Variants in GRIN3A observed in about 807,000 individuals in gnomAD.
GRIN3A encodes the protein glutamate receptor ionotropic, NMDA 3A.
In GRIN3A, 47 loss-of-function variants were observed where a neutral mutation model predicts 92.4. The ratio of observed to expected loss-of-function variants is 0.51; its 90% CI spans 0.40 to 0.65. The LOEUF is 0.65. GRIN3A is among the 30% of genes least tolerant of loss of function. The pLI is 0.00. For synonymous variants in GRIN3A, 527 were observed against 540.6 expected, an observed-to-expected ratio of 0.97 and a Z score of 0.35; for missense variants, 1,324 against 1,393.1, an observed-to-expected ratio of 0.95 and a Z score of 0.79.
intron 6 of GRIN3A, among the ~76,000 whole-genome samples, chr9:101,582,023 G>T (rs1827893419): frequency 6.6e-6 from 1 of 152,172 alleles, no homozygotes; most frequent in Non-Finnish European, 1.5e-5. Context: ...CACATAGCTC[G>T]TGAAGGTTAG....
At chr9:101,700,614 A>G (rs1165398308) in intron 1 of GRIN3A, among the ~76,000 whole-genome samples, 2 of 152,226 alleles carry the variant, frequency 1.3e-5, no homozygotes, top group African/African-American at 2.4e-5. Context: ...TATTCATAAT[A>G]CAATTATTAT....
chr9:101,721,708 CAA>C (rs1204913645), intron 1 of GRIN3A, among the ~76,000 whole-genome samples: 2 of 152,088 alleles, frequency 1.3e-5, no homozygotes, highest in East Asian at 3.9e-4. Context: ...TATGTTTCAG[CAA>C]AGAGACTGGA....
intron 1 of GRIN3A, among the ~76,000 whole-genome samples, chr9:101,717,963 G>A (rs1009594675): frequency 6.6e-6 from 1 of 152,130 alleles, no homozygotes; most frequent in African/African-American, 2.4e-5. Flanking sequence ...CTTATAACAT[G>A]GTAAATTCTA....
At chr9:101,637,357 C>A (rs1828798583) in intron 3 of GRIN3A, among the ~76,000 whole-genome samples, 1 of 152,080 alleles carries the variant, frequency 6.6e-6, no homozygotes, top group African/African-American at 2.4e-5. Context: ...CTTCCCAAAG[C>A]ACTGGACATT....
At chr9:101,718,498 A>T (rs1829973259) in intron 1 of GRIN3A, among the ~76,000 whole-genome samples, 1 of 152,214 alleles carries the variant, frequency 6.6e-6, no homozygotes, top group Non-Finnish European at 1.5e-5. Context: ...AGTATGAAGA[A>T]TAAATGAGGA....
chr9:101,594,703 C>T, intron 6 of GRIN3A: 1 of 1,614,216 alleles, frequency 6.2e-7, no homozygotes, highest in Non-Finnish European at 8.5e-7. Flanking sequence ...GGATGAATTC[C>T]TTGAAGTCCA....
intron 1 of GRIN3A, among the ~76,000 whole-genome samples, chr9:101,708,428 G>C (rs939255860): frequency 1.3e-5 from 2 of 152,108 alleles, no homozygotes; most frequent in African/African-American, 4.8e-5. Flanking sequence ...TCTTCCATTG[G>C]CACTAGGGGA....
chr9:101,635,268 TC>T (rs11357042), intron 3 of GRIN3A, among the ~76,000 whole-genome samples: 21,308 of 152,164 alleles, frequency 0.14, 1,518 homozygotes, highest in East Asian at 0.23. Context: ...CAAATTACGG[TC>T]TATGGGCCAA....
intron 5 of GRIN3A, among the ~76,000 whole-genome samples, chr9:101,621,177 C>T (rs112888130): frequency 0.041 from 6,125 of 150,988 alleles, 134 homozygotes; most frequent in East Asian, 0.12. Context: ...CCCAGCTACC[C>T]GGGAGGCTGA....
intron 3 of GRIN3A, among the ~76,000 whole-genome samples, chr9:101,669,309 C>T (rs1407919577): frequency 6.6e-6 from 1 of 152,080 alleles, no homozygotes; most frequent in Non-Finnish European, 1.5e-5. Context: ...GAATGGCTGT[C>T]CTTACCTAAG....
intron 6 of GRIN3A, chr9:101,592,931 T>G (rs908597623): frequency 5.3e-5 from 8 of 151,984 alleles, no homozygotes; most frequent in Non-Finnish European, 1.5e-5. Flanking sequence ...TTTGAGAGCC[T>G]TAAGCATCTT....
At chr9:101,602,649 G>A (rs1828226413) in intron 6 of GRIN3A, among the ~76,000 whole-genome samples, 2 of 152,190 alleles carry the variant, frequency 1.3e-5, no homozygotes, top group South Asian at 4.1e-4. Context: ...ACAGTATGTG[G>A]TCTTGGGTGT....
At chr9:101,726,907 G>A (rs375988336) in intron 1 of GRIN3A, among the ~76,000 whole-genome samples, 24 of 152,010 alleles carry the variant, frequency 1.6e-4, no homozygotes, top group African/African-American at 5.8e-4. Flanking sequence ...TCCATATTTG[G>A]GTAGAGGCTA....
chr9:101,677,368 G>C (rs1829412187), intron 2 of GRIN3A, among the ~76,000 whole-genome samples: 1 of 151,032 alleles, frequency 6.6e-6, no homozygotes, highest in Non-Finnish European at 1.5e-5. Context: ...TATTTTTTCT[G>C]AATTTTTTGT....
At chr9:101,715,726 G>C (rs2119020048) in intron 1 of GRIN3A, among the ~76,000 whole-genome samples, 1 of 152,210 alleles carries the variant, frequency 6.6e-6, no homozygotes, top group African/African-American at 2.4e-5. Flanking sequence ...AATTTCAGGA[G>C]TTCATTCATT....
At chr9:101,703,937 C>G (rs746185202) in intron 1 of GRIN3A, among the ~76,000 whole-genome samples, 23 of 152,186 alleles carry the variant, frequency 1.5e-4, no homozygotes, top group Non-Finnish European at 3.1e-4. Context: ...GATCTTATCT[C>G]TATCTTGGTC....
intron 1 of GRIN3A, among the ~76,000 whole-genome samples, chr9:101,709,002 C>A (rs1439620873): frequency 6.6e-6 from 1 of 152,142 alleles, no homozygotes; most frequent in East Asian, 1.9e-4. Context: ...AACACACAGG[C>A]AATTTCAAAA....
At position 101,738,104 on chromosome 9, in the gene GRIN3A, C is replaced by A. The variant is rs747388445; in HGVS notation, c.-125G>T. On this transcript the variant is annotated 5_prime_UTR_variant, in exon 1 of 9. Coordinates refer to ENST00000361820, the MANE Select transcript of GRIN3A (RefSeq NM_133445.3). ...TTCACTCCACTCGGTGAAGCGGTCC[C>A]AGGAGCTGGAGCGGTCTCTAGGCCA... 3.3e-4 allele frequency: 277 copies of A among 848,032 alleles called. No homozygotes were observed. The highest frequency in any genetic ancestry group is 7.1e-5 in the Non-Finnish European group (37 of 521,612). 52.5% of individuals were successfully genotyped at this position (848,032 alleles called of 1,614,324 possible). A position where few individuals can be genotyped will look rare whatever the true frequency, so the allele number is the denominator to read the frequency against.
At chr9:101,653,877 T>C (rs970557393) in intron 3 of GRIN3A, among the ~76,000 whole-genome samples, 18 of 151,880 alleles carry the variant, frequency 1.2e-4, no homozygotes, top group Admixed American at 3.3e-4. Context: ...TATTGTCAAG[T>C]GTAATACAAA....
Sources: gnomAD v4.1 joint callset for allele counts (sites outside exome capture counted in the v4.1 genomes callset) on GRCh38, gnomAD v4.1.1 for gene constraint, MANE v1.5 for transcripts, NCBI Gene and HGNC (gene_info 2026-07-23, HGNC 2026-07-21) for gene names.